PLA2G6: variants seen among roughly 807,000 people sequenced by gnomAD.
PLA2G6 encodes 85/88 kDa calcium-independent phospholipase A2.
PLA2G6 carries 62 observed loss-of-function variants against 83.8 expected under a neutral mutation model. That is an observed-to-expected ratio of 0.74 (90% CI 0.60 to 0.91). The LOEUF (loss-of-function observed/expected upper bound fraction) is 0.91, where lower values mean the gene tolerates loss of function less well. Among genes scored for constraint, PLA2G6 ranks in the 40% least tolerant of loss-of-function variants. The pLI, the probability that PLA2G6 is intolerant of heterozygous loss-of-function variation, is 0.00. For missense variants in PLA2G6, 944 were observed against 1,102.0 expected, an observed-to-expected ratio of 0.86 and a Z score of 2.03; for synonymous variants, 417 against 449.8, an observed-to-expected ratio of 0.93 and a Z score of 0.92.
intron 2 of PLA2G6, chr22:38,148,537 G>A: frequency 1.4e-6 from 1 of 717,304 alleles, no homozygotes; most frequent in South Asian, 1.5e-5. Flanking sequence ...CAGTGTTCAG[G>A]TGGCTGTTAC....
At chr22:38,145,804 C>T in intron 2 of PLA2G6, 151 bp from the exon 3 acceptor site, 2 of 656,442 alleles carry the variant, frequency 3.0e-6, no homozygotes, top group Non-Finnish European at 5.5e-6. Flanking sequence ...CACACACACA[C>T]ACACACACAC....
chr22:38,143,995 C>T (rs752443855), intron 3 of PLA2G6: 33 of 167,946 alleles, frequency 2.0e-4, no homozygotes, highest in Non-Finnish European at 3.7e-4. Context: ...ACACCCGCCT[C>T]GGCCTCACAA....
chr22:38,161,681 C>T (rs79659059), intron 2 of PLA2G6, among the ~76,000 whole-genome samples: 1,820 of 151,970 alleles, frequency 0.012, 41 homozygotes, highest in African/African-American at 0.042. Context: ...GTGGAGTAGG[C>T]GGGGACAGAG....
chr22:38,170,734 G>A (rs2145935787), intron 1 of PLA2G6, among the ~76,000 whole-genome samples: 1 of 152,300 alleles, frequency 6.6e-6, no homozygotes, highest in South Asian at 2.1e-4. Flanking sequence ...CTGGGGGAGA[G>A]AGGACATCTG....
intron 1 of PLA2G6, among the ~76,000 whole-genome samples, chr22:38,180,021 A>G (rs1192523604): frequency 6.6e-6 from 1 of 152,064 alleles, no homozygotes; most frequent in Non-Finnish European, 1.5e-5. Flanking sequence ...AAGACACAGA[A>G]CATATTCTCC....
rs1047854573 is a variant in PLA2G6 at position 38,153,590 on chromosome 22, C to A, written c.210-7937G>T. ...GGCAGAGGTTGCAGTGAGCCGAGATCGCGCCACTGCACTCCAGCCTGGGTG... is the reference window on the plus strand; with the variant it reads ...GGCAGAGGTTGCAGTGAGCCGAGATAGCGCCACTGCACTCCAGCCTGGGTG... On this transcript the variant is annotated intron_variant, in intron 2 of 16. Coordinates refer to ENST00000332509, the MANE Select transcript of PLA2G6 (RefSeq NM_003560.4). Among the ~76,000 whole-genome samples the A allele has an allele frequency of 3.3e-5, 5 of 150,370 alleles. No homozygotes were observed. The East Asian group carries it at 9.7e-4, about 29-fold the overall frequency.
chr22:38,176,761 G>A (rs1040088688), intron 1 of PLA2G6, among the ~76,000 whole-genome samples: 1 of 152,192 alleles, frequency 6.6e-6, no homozygotes, highest in Non-Finnish European at 1.5e-5. Flanking sequence ...GGCGCAGCCG[G>A]GCGCGGTGGC....
chr22:38,129,824 C>T (rs2088100925), intron 7 of PLA2G6, among the ~76,000 whole-genome samples: 1 of 152,276 alleles, frequency 6.6e-6, no homozygotes, highest in South Asian at 2.1e-4. Context: ...AGAAGTGACT[C>T]GCCCCTGCTC....
intron 5 of PLA2G6, 32 bp from the exon 6 acceptor site, chr22:38,135,116 G>A: frequency 6.7e-7 from 1 of 1,484,248 alleles, no homozygotes; most frequent in Non-Finnish European, 9.4e-7. Context: ...TTGGTGAGCA[G>A]AAGCTAGGGT....
At chr22:38,119,470 A>G (rs542083967) in intron 12 of PLA2G6, among the ~76,000 whole-genome samples, 2 of 152,346 alleles carry the variant, frequency 1.3e-5, no homozygotes, top group South Asian at 4.1e-4. Flanking sequence ...AGATCTAGAG[A>G]GCTTTCCAGC....
At chr22:38,163,285 G>A (rs1292916878) in intron 2 of PLA2G6, 1 of 155,190 alleles carries the variant, frequency 6.4e-6, no homozygotes, top group Admixed American at 6.5e-5. Flanking sequence ...TCCAGCTGGT[G>A]GAGTCTTCTG....
chr22:38,157,309 T>G (rs1199601246), intron 2 of PLA2G6, among the ~76,000 whole-genome samples: 1 of 152,150 alleles, frequency 6.6e-6, no homozygotes, highest in East Asian at 1.9e-4. Context: ...CAAAGGATTA[T>G]TAGAGGTTAC....
chr22:38,134,963 C>T lies in PLA2G6; in HGVS notation c.894+25G>A, dbSNP rs202084684. 7 of 1,191,772 alleles carry T rather than the reference C, an allele frequency of 5.9e-6. No homozygotes were observed. In the East Asian group the frequency reaches 9.4e-5, roughly 16 times the overall value. 73.8% of individuals were successfully genotyped at this position (1,191,772 alleles called of 1,614,324 possible). A position where few individuals can be genotyped will look rare whatever the true frequency, so the allele number is the denominator to read the frequency against. On this transcript the variant is annotated intron_variant, in intron 6 of 16. Transcript: ENST00000332509. ...CTGCGGGGCCCGGCCCCCTGCCCCACCCACCCACCTCAGGATCCACTCACC... is the reference window on the plus strand; with the variant it reads ...CTGCGGGGCCCGGCCCCCTGCCCCATCCACCCACCTCAGGATCCACTCACC...
chr22:38,154,244 T>TTAA (rs2089687778), intron 2 of PLA2G6, among the ~76,000 whole-genome samples: 1 of 152,200 alleles, frequency 6.6e-6, no homozygotes, highest in Non-Finnish European at 1.5e-5. Flanking sequence ...CCCTAGTGCC[T>TTAA]TAAGCAAACG....
At chr22:38,142,734 G>A in intron 4 of PLA2G6, 2 of 356,682 alleles carry the variant, frequency 5.6e-6, no homozygotes, top group Non-Finnish European at 1.1e-5. Flanking sequence ...GGACAAGCTT[G>A]CAAAAGGTTA....
At chr22:38,115,933 T>C in intron 13 of PLA2G6, 142 bp downstream of exon 13, 1 of 1,472,026 alleles carries the variant, frequency 6.8e-7, no homozygotes, top group South Asian at 1.2e-5. Flanking sequence ...GCAATCCCTG[T>C]CCTCAGCCAA....
intron 1 of PLA2G6, among the ~76,000 whole-genome samples, chr22:38,178,131 C>A (rs1223663331): frequency 2.6e-5 from 4 of 152,152 alleles, no homozygotes; most frequent in Non-Finnish European, 4.4e-5. Flanking sequence ...ACTGGAGCTC[C>A]CAAGCACATG....
intron 12 of PLA2G6, among the ~76,000 whole-genome samples, chr22:38,116,862 A>AAAC (rs1366587275): frequency 5.3e-5 from 8 of 150,928 alleles, no homozygotes; most frequent in Admixed American, 2.6e-4. Context: ...AAAAAAAAAA[A>AAAC]AAAAAAAAAA....
chr22:38,125,918 C>A (rs1422994869), intron 10 of PLA2G6, among the ~76,000 whole-genome samples: 2 of 152,218 alleles, frequency 1.3e-5, no homozygotes, highest in Non-Finnish European at 2.9e-5. Context: ...ATCCTGTCAC[C>A]CAGGCCCGCC....
Sources: allele counts gnomAD v4.1 joint callset (sites outside exome capture counted in the v4.1 genomes callset), GRCh38; gene constraint gnomAD v4.1.1; transcripts MANE v1.5; gene names NCBI Gene and HGNC (gene_info 2026-07-23, HGNC 2026-07-21).